The following TPST2 variants were observed in gnomAD, a reference collection of about 807,000 sequenced individuals.
The protein encoded by TPST2 is protein-tyrosine sulfotransferase 2.
Under a neutral mutation model 27.8 loss-of-function variants are expected in TPST2, and 16 were observed. The ratio of observed to expected loss-of-function variants is 0.58; its 90% CI spans 0.39 to 0.88. The LOEUF is 0.88. TPST2 is among the 40% of genes least tolerant of loss of function. TPST2 has a pLI of 0.00. For missense variants in TPST2, 464 were observed against 543.1 expected (o/e 0.85, Z 1.45); for synonymous variants, 229 against 231.7 (o/e 0.99, Z 0.10).
chr22:26,561,126 G>C (rs973602538), intron 1 of TPST2: 2 of 1,608,250 alleles, frequency 1.2e-6, no homozygotes, highest in Admixed American at 3.4e-5. Flanking sequence ...GGAGGAGGAA[G>C]ATGAAGAAGA....
At chr22:26,537,872 T>C (rs929768930) in intron 3 of TPST2, among the ~76,000 whole-genome samples, 1 of 152,196 alleles carries the variant, frequency 6.6e-6, no homozygotes, top group African/African-American at 2.4e-5. Context: ...CTAGTTTTTT[T>C]TCCCCACTCA....
chr22:26,527,185 A>G (rs1924889600), intron 6 of TPST2, among the ~76,000 whole-genome samples: 1 of 152,186 alleles, frequency 6.6e-6, no homozygotes, highest in Non-Finnish European at 1.5e-5. Flanking sequence ...ACTAAAACAT[A>G]TGCTGATTGT....
intron 2 of TPST2, among the ~76,000 whole-genome samples, chr22:26,542,295 A>T (rs1455374045): frequency 1.3e-5 from 2 of 149,904 alleles, no homozygotes; most frequent in Non-Finnish European, 3.0e-5. Context: ...ATCATAGCTC[A>T]CTGCGGCCTC....
rs760350418 is a variant in TPST2, at chr22:26,541,403, C to A, written c.228G>T (p.Val76=). The change falls in exon 3 of 7, where the codon GTG becomes GTT. Residue 76 remains valine (V), a synonymous_variant. Transcript: ENST00000338754. The surrounding 1 kb of genome is among the most constrained non-coding windows in gnomAD (Gnocchi z 5.9). ...KAMPLIFVGG[V]PRSGTTLMRA... is the part of the protein sequence containing the mutation. ...GCATCAACGTGGTGCCACTGCGAGG[C>A]ACGCCACCCACGAAGATGAGCGGCA... 6.4e-7 allele frequency: 1 copy of A among 1,563,616 alleles called. No individual in the cohort carries two copies. Among genetic ancestry groups the A allele is most frequent in the East Asian group, 2.3e-5 (1 of 44,380 alleles).
At chr22:26,559,696 A>C (rs1926983823) in intron 1 of TPST2, among the ~76,000 whole-genome samples, 1 of 152,228 alleles carries the variant, frequency 6.6e-6, no homozygotes, top group Admixed American at 6.5e-5. Context: ...CACTCTGTTC[A>C]AGGTTCATCC....
chr22:26,529,490 GA>G (rs1925030862), intron 5 of TPST2, among the ~76,000 whole-genome samples: 1 of 152,204 alleles, frequency 6.6e-6, no homozygotes, highest in Admixed American at 6.5e-5. Context: ...TGGGAGGGGA[GA>G]GGGGAGAGGG....
chr22:26,541,330 G>A lies in TPST2; in HGVS notation c.301C>T (p.Arg101Cys), dbSNP rs1295566710. ...ATGGCCAGCACGCGCGGGATGATGCGGGTCTCCTCGCCGCAGCGCACCTCG... is the reference window on the plus strand; with the variant it reads ...ATGGCCAGCACGCGCGGGATGATGCAGGTCTCCTCGCCGCAGCGCACCTCG... ...HPEVRCGEET[R>C]IIPRVLAMRQ... The change falls in exon 3 of 7, where the codon CGC (arginine) becomes TGC (cysteine). Residue 101 changes from arginine to cysteine, a missense_variant. Transcript: ENST00000338754. The surrounding 1 kb of genome is among the most constrained non-coding windows in gnomAD (Gnocchi z 5.9). 2.6e-6 allele frequency: 4 copies of A among 1,547,886 alleles called. No homozygotes were observed. Among genetic ancestry groups the A allele is most frequent in the Non-Finnish European group, 2.6e-6 (3 of 1,145,144 alleles).
At chr22:26,586,444 T>C (rs989487472) in intron 1 of TPST2, among the ~76,000 whole-genome samples, 1 of 151,964 alleles carries the variant, frequency 6.6e-6, no homozygotes, top group African/African-American at 2.4e-5. Context: ...GAGATGGAGT[T>C]TCACTATGTT....
intron 1 of TPST2, among the ~76,000 whole-genome samples, chr22:26,564,924 C>T (rs79030911): frequency 0.061 from 9,230 of 152,176 alleles, 311 homozygotes; most frequent in Middle Eastern, 0.088. Context: ...TCTGAGCCTC[C>T]ACTTTCTCAG....
chr22:26,523,481 G>A lies in TPST2; in HGVS notation c.*2794C>T, dbSNP rs1010805260. The A allele has an allele frequency of 1.3e-5, 2 of 152,180 alleles. No homozygotes were observed. Among genetic ancestry groups the A allele is most frequent in the African/African-American group, 4.8e-5 (2 of 41,458 alleles). The allele number at this position is 152,180 out of a possible 1,614,324, so 9.4% of individuals were successfully genotyped here. On this transcript the variant is annotated 3_prime_UTR_variant, in exon 7 of 7. Transcript: ENST00000338754. Reference sequence around the variant, plus strand: ...AAAATCTTTTCAGATCAAATCAGGGGAGATGAAATGAGAGTGGATTCTGAG... The same window carrying A: ...AAAATCTTTTCAGATCAAATCAGGGAAGATGAAATGAGAGTGGATTCTGAG...
intron 1 of TPST2, among the ~76,000 whole-genome samples, chr22:26,559,073 G>T (rs961768052): frequency 6.6e-6 from 1 of 152,350 alleles, no homozygotes; most frequent in South Asian, 2.1e-4. Context: ...TATTTAAAGT[G>T]TACAGTTCAT....
intron 1 of TPST2, among the ~76,000 whole-genome samples, chr22:26,586,665 T>TC (rs1318965210): frequency 2.0e-5 from 2 of 100,308 alleles, no homozygotes; most frequent in South Asian, 2.7e-4. Flanking sequence ...GGCGTGGTCT[T>TC]AACACCATTC....
chr22:26,557,865 A>G (rs1257585888), intron 1 of TPST2, among the ~76,000 whole-genome samples: 1 of 149,924 alleles, frequency 6.7e-6, no homozygotes, highest in African/African-American at 2.5e-5. Context: ...TGGGCAATGT[A>G]GTAAAGCTCC....
chr22:26,573,193 C>A (rs1334173623), intron 1 of TPST2, among the ~76,000 whole-genome samples: 1 of 152,214 alleles, frequency 6.6e-6, no homozygotes. Flanking sequence ...ACCACCACAC[C>A]TGGCTAATTT....
chr22:26,584,471 T>A (rs1411014379), intron 1 of TPST2, among the ~76,000 whole-genome samples: 1 of 152,138 alleles, frequency 6.6e-6, no homozygotes, highest in Non-Finnish European at 1.5e-5. Context: ...GGCCTTAAGA[T>A]GGGATATCAA....
At chr22:26,580,042 C>G (rs936385044) in intron 1 of TPST2, among the ~76,000 whole-genome samples, 28 of 151,910 alleles carry the variant, frequency 1.8e-4, no homozygotes, top group Non-Finnish European at 1.2e-4. Context: ...CCCAGGAGTT[C>G]AAGACCAGCC....
At chr22:26,581,019 TACAC>T (rs10540036) in intron 1 of TPST2, among the ~76,000 whole-genome samples, 28,841 of 119,754 alleles carry the variant, frequency 0.24, 3,067 homozygotes, top group East Asian at 0.58. Flanking sequence ...TCAACATACA[TACAC>T]ACACACACAC....
rs1175169653 is a variant in TPST2, at chr22:26,562,666, C to G, written c.-160-17991G>C. Among the ~76,000 whole-genome samples, 6 of 151,394 alleles carry G rather than the reference C, an allele frequency of 4.0e-5. No individual in the cohort carries two copies. In the East Asian group the frequency reaches 1.2e-3, roughly 29 times the overall value. On this transcript the variant is annotated intron_variant, in intron 1 of 6. Transcript: ENST00000338754. ...TGAGACTGACTCTCACTATGTCACCCAGGCTGGAGTGCAATGGAGCGATCT... is the reference window on the plus strand; with the variant it reads ...TGAGACTGACTCTCACTATGTCACCGAGGCTGGAGTGCAATGGAGCGATCT...
At chr22:26,527,410 G>A (rs935694034) in intron 6 of TPST2, among the ~76,000 whole-genome samples, 12 of 152,168 alleles carry the variant, frequency 7.9e-5, no homozygotes, top group Non-Finnish European at 1.6e-4. Flanking sequence ...GCCAGCTCAC[G>A]CCATCTCATG....
Sources: gnomAD v4.1 joint callset for allele counts (sites outside exome capture counted in the v4.1 genomes callset) on GRCh38, gnomAD v4.1.1 for gene constraint, Gnocchi (gnomAD v3.1) non-coding constraint, MANE v1.5 for transcripts, NCBI Gene and HGNC (gene_info 2026-07-23, HGNC 2026-07-21) for gene names.